Variants in KCNQ3 observed in about 807,000 individuals in gnomAD.
KCNQ3 encodes potassium voltage-gated channel subfamily Q member 3.
Under a neutral mutation model 92.5 loss-of-function variants are expected in KCNQ3, and 30 were observed. The observed-to-expected ratio is 0.32, with a 90% CI of 0.24 to 0.44. The LOEUF is 0.44. Among genes scored for constraint, KCNQ3 ranks in the 20% least tolerant of loss-of-function variants. The pLI is 1.00. For synonymous variants in KCNQ3, 450 were observed against 468.8 expected, an observed-to-expected ratio of 0.96 and a Z score of 0.52; for missense variants, 913 against 1,140.3, an observed-to-expected ratio of 0.80 and a Z score of 2.87.
intron 1 of KCNQ3, among the ~76,000 whole-genome samples, chr8:132,463,630 C>T (rs972958005): frequency 6.6e-6 from 1 of 152,192 alleles, no homozygotes; most frequent in Non-Finnish European, 1.5e-5. Context: ...ATACCTGCTT[C>T]CTCAGGTGAC....
intron 9 of KCNQ3, among the ~76,000 whole-genome samples, chr8:132,158,967 T>C (rs761846328): frequency 6.6e-6 from 1 of 152,218 alleles, no homozygotes; most frequent in Non-Finnish European, 1.5e-5. Context: ...TCCTGAAGGC[T>C]GCTGTTCAGA....
At chr8:132,327,007 T>C (rs1818074884) in intron 1 of KCNQ3, among the ~76,000 whole-genome samples, 1 of 152,238 alleles carries the variant, frequency 6.6e-6, no homozygotes, top group South Asian at 2.1e-4. Flanking sequence ...ACTGCTCATG[T>C]GTTAACCTCC....
At chr8:132,169,229 C>T (rs987831102) in intron 8 of KCNQ3, among the ~76,000 whole-genome samples, 1 of 152,158 alleles carries the variant, frequency 6.6e-6, no homozygotes, top group South Asian at 2.1e-4. Context: ...GTTCAGGATG[C>T]ATTTACCATC....
At chr8:132,394,490 G>A (rs1388791878) in intron 1 of KCNQ3, among the ~76,000 whole-genome samples, 1 of 152,150 alleles carries the variant, frequency 6.6e-6, no homozygotes, top group African/African-American at 2.4e-5. Flanking sequence ...TAATATATAT[G>A]TAATAAGTGA....
chr8:132,177,227 A>G (rs1826590549), intron 4 of KCNQ3, among the ~76,000 whole-genome samples: 2 of 152,260 alleles, frequency 1.3e-5, no homozygotes, highest in South Asian at 4.1e-4. Flanking sequence ...ATGGTATAAC[A>G]GTCACCATTA....
intron 1 of KCNQ3, among the ~76,000 whole-genome samples, chr8:132,455,013 G>A (rs1180844487): frequency 1.3e-5 from 2 of 151,074 alleles, no homozygotes; most frequent in East Asian, 3.9e-4. Context: ...CAGAGGCTGG[G>A]GAGAGGGGGA....
chr8:132,203,955 G>A (rs573374686), intron 1 of KCNQ3, among the ~76,000 whole-genome samples: 1 of 152,216 alleles, frequency 6.6e-6, no homozygotes, highest in East Asian at 1.9e-4. Context: ...ATATATCTTT[G>A]GGGACCTCTA....
chr8:132,437,508 A>C (rs939183191), intron 1 of KCNQ3, among the ~76,000 whole-genome samples: 2 of 152,212 alleles, frequency 1.3e-5, no homozygotes, highest in Non-Finnish European at 2.9e-5. Context: ...TCTAACATTT[A>C]ATGTATTAAT....
chr8:132,459,736 GTT>G (rs113862022), intron 1 of KCNQ3, among the ~76,000 whole-genome samples: 44 of 133,546 alleles, frequency 3.3e-4, no homozygotes, highest in South Asian at 1.5e-3. Context: ...TCTTTTTCTT[GTT>G]TTTTTTTTTT....
rs773520515 is a variant in KCNQ3 at position 132,143,514 on chromosome 8, A to G, written c.1263-2183T>C. Reference sequence around the variant, plus strand: ...CAGTACGGCAACTAAGATCATGGGCAAAACCAGCCTGGTGGAAGCATCCTG... The same window carrying G: ...CAGTACGGCAACTAAGATCATGGGCGAAACCAGCCTGGTGGAAGCATCCTG... On this transcript the variant is annotated intron_variant, in intron 9 of 14. Coordinates refer to ENST00000388996, the MANE Select transcript of KCNQ3 (RefSeq NM_004519.4). 4.4e-4 allele frequency among the ~76,000 whole-genome samples: 67 copies of G among 152,244 alleles called. 1 individual carries two copies. The highest frequency in any genetic ancestry group is 6.0e-4 in the Non-Finnish European group (41 of 68,050).
intron 3 of KCNQ3, among the ~76,000 whole-genome samples, chr8:132,183,205 T>A (rs1826848715): frequency 6.6e-6 from 1 of 152,140 alleles, no homozygotes; most frequent in African/African-American, 2.4e-5. Context: ...ATGCTGAGAA[T>A]GCGTGATGTA....
At chr8:132,352,286 C>G (rs1445168772) in intron 1 of KCNQ3, among the ~76,000 whole-genome samples, 1 of 152,052 alleles carries the variant, frequency 6.6e-6, no homozygotes, top group Non-Finnish European at 1.5e-5. Context: ...GATCTTGACC[C>G]CCCAAGGAGC....
Position 132,260,466 on chromosome 8 carries a change from T to TA in KCNQ3, c.387-74286dup, listed in dbSNP as rs528100445. Reference sequence around the variant, plus strand: ...ACATTCCAGTGGGGATACAGGTAATTAAAAAAAATAATAATAAATACATAG... The same window carrying TA: ...ACATTCCAGTGGGGATACAGGTAATTAAAAAAAAATAATAATAAATACATAG... On this transcript the variant is annotated intron_variant, in intron 1 of 14. Transcript: ENST00000388996. Among the ~76,000 whole-genome samples the TA allele has an allele frequency of 2.7e-3, 405 of 151,868 alleles. 1 individual carries two copies. Among genetic ancestry groups the TA allele is most frequent in the African/African-American group, 9.1e-3 (375 of 41,416 alleles).
chr8:132,194,675 T>C (rs1434672457), intron 1 of KCNQ3, among the ~76,000 whole-genome samples: 1 of 152,178 alleles, frequency 6.6e-6, no homozygotes, highest in Non-Finnish European at 1.5e-5. Context: ...CATGAGAACA[T>C]AAGTCAGAGC....
intron 1 of KCNQ3, among the ~76,000 whole-genome samples, chr8:132,320,604 C>A (rs557911715): frequency 6.6e-6 from 1 of 152,040 alleles, no homozygotes; most frequent in African/African-American, 2.4e-5. Context: ...ATTCTGAGGG[C>A]TATAAACAGC....
chr8:132,449,100 GA>G (rs1821762600), intron 1 of KCNQ3, among the ~76,000 whole-genome samples: 1 of 152,178 alleles, frequency 6.6e-6, no homozygotes, highest in African/African-American at 2.4e-5. Flanking sequence ...TGGGGATAAT[GA>G]AATTCAGTTT....
chr8:132,427,532 C>A (rs1821142193), intron 1 of KCNQ3, among the ~76,000 whole-genome samples: 1 of 152,094 alleles, frequency 6.6e-6, no homozygotes, highest in Non-Finnish European at 1.5e-5. Flanking sequence ...AGGTCTGACC[C>A]CAAAGAAAGT....
chr8:132,252,660 G>A (rs968573604), intron 1 of KCNQ3, among the ~76,000 whole-genome samples: 2 of 152,296 alleles, frequency 1.3e-5, no homozygotes, highest in African/African-American at 4.8e-5. Flanking sequence ...CCATTTTACA[G>A]AGTGCTGATT....
At chr8:132,202,534 C>A (rs1827494509) in intron 1 of KCNQ3, among the ~76,000 whole-genome samples, 1 of 152,116 alleles carries the variant, frequency 6.6e-6, no homozygotes, top group East Asian at 1.9e-4. Context: ...CACGCAGCAC[C>A]TTGAGTGCTT....
Sources: gnomAD v4.1 joint callset for allele counts (sites outside exome capture counted in the v4.1 genomes callset) on GRCh38, gnomAD v4.1.1 for gene constraint, MANE v1.5 for transcripts, NCBI Gene and HGNC (gene_info 2026-07-23, HGNC 2026-07-21) for gene names.